Variants in MFNG observed in about 807,000 individuals in gnomAD.
The protein encoded by MFNG is MFNG O-fucosylpeptide 3-beta-N-acetylglucosaminyltransferase.
Under a neutral mutation model 34.2 loss-of-function variants are expected in MFNG, and 24 were observed. That is an observed-to-expected ratio of 0.70 (90% CI 0.51 to 0.99). MFNG has a LOEUF of 0.99. MFNG is among the 50% of genes least tolerant of loss of function. The pLI, the probability that MFNG is intolerant of heterozygous loss-of-function variation, is 0.00. For synonymous variants in MFNG, 158 were observed against 179.2 expected (o/e 0.88, Z 0.94); for missense variants, 383 against 424.0 (o/e 0.90, Z 0.85).
rs768635690 is a variant in MFNG, at chr22:37,485,988, G to C, written c.190C>G (p.Arg64Gly). Reference protein sequence around the residue: ...HDVFIAVKTTRAFHRLRLELL... With the variant: ...HDVFIAVKTTGAFHRLRLELL... The stretch of plus-strand genomic sequence containing the variant: ...TCCAGGCGCAAGCGGTGGAAAGCCC[G>C]GGTCGTCTTCACTGCAATGAAGACA... The change falls in exon 1 of 8, where the codon CGG becomes GGG. Residue 64 changes from arginine (R) to glycine (G), a missense_variant. Arg to Gly is a moderately radical substitution (Grantham distance 125). Transcript: ENST00000356998. This position sits in a 1 kb window ranked among gnomAD's most constrained non-coding sequence, Gnocchi z 5.3. 8 of 1,614,004 alleles carry C rather than the reference G, an allele frequency of 5.0e-6. No homozygotes were observed. Among genetic ancestry groups the C allele is most frequent in the Non-Finnish European group, 6.8e-6 (8 of 1,179,932 alleles).
intron 1 of MFNG, 89 bp from the exon 2 acceptor site, chr22:37,480,858 G>A: frequency 2.6e-6 from 3 of 1,171,018 alleles, no homozygotes; most frequent in Non-Finnish European, 3.8e-6. Flanking sequence ...GGCCCCAGAT[G>A]GACTCTGTAC....
intron 1 of MFNG, chr22:37,481,027 G>A: frequency 2.0e-6 from 1 of 509,602 alleles, no homozygotes; most frequent in East Asian, 3.3e-5. Flanking sequence ...GCACCACAGG[G>A]ACCCAACCAC....
rs781326615 is a variant in MFNG at position 37,474,671 on chromosome 22, G to A, written c.654C>T (p.Ser218=). The change falls in exon 6 of 8, where the codon TCC becomes TCT. Residue 218 remains serine, a synonymous_variant. Coordinates refer to ENST00000356998, the MANE Select transcript of MFNG (RefSeq NM_002405.4). ...ALKMAPWASG[S]RFMDTSALIR... ...TGAGAGCAGATGTGTCCATGAAACG[G>A]GAGCCACTGAGGGACAGAGCCAGAC... 1.1e-5 allele frequency: 18 copies of A among 1,600,372 alleles called. No homozygotes were observed. The East Asian group carries it at 3.6e-4, about 32-fold the overall frequency.
chr22:37,478,292 T>C (rs1269763326), intron 4 of MFNG, among the ~76,000 whole-genome samples: 1 of 152,146 alleles, frequency 6.6e-6, no homozygotes, highest in African/African-American at 2.4e-5. Context: ...CCGATCTGCC[T>C]TCTTCCTGGA....
In MFNG at chr22:37,469,913, C is replaced by T. The variant is rs936224007; in HGVS notation, c.*50G>A. 9 of 1,468,904 alleles carry T rather than the reference C, an allele frequency of 6.1e-6. No individual in the cohort carries two copies. Among genetic ancestry groups the T allele is most frequent in the Non-Finnish European group, 8.4e-6 (9 of 1,065,886 alleles). The allele number at this position is 1,468,904 out of a possible 1,614,324, so 91.0% of individuals were successfully genotyped here. On this transcript the variant is annotated 3_prime_UTR_variant, in exon 8 of 8. Coordinates refer to ENST00000356998, the MANE Select transcript of MFNG (RefSeq NM_002405.4). ...GGACCCACAGTGCCACCTTGGGAGCCAAGGCACACCCAGAAGTCTCTGCCC... is the reference window on the plus strand; with the variant it reads ...GGACCCACAGTGCCACCTTGGGAGCTAAGGCACACCCAGAAGTCTCTGCCC...
At chr22:37,472,786 C>A (rs550561154) in intron 6 of MFNG, 3 of 371,996 alleles carry the variant, frequency 8.1e-6, no homozygotes, top group Non-Finnish European at 1.4e-5. Flanking sequence ...CCCCCATCTA[C>A]AGATTTGGAA....
chr22:37,477,495 C>T (rs897381153), intron 4 of MFNG, among the ~76,000 whole-genome samples: 1 of 152,046 alleles, frequency 6.6e-6, no homozygotes, highest in Non-Finnish European at 1.5e-5. Context: ...TGCCCAGGCT[C>T]AAGTGCAGTG....
chr22:37,480,954 C>T (rs1601799091), intron 1 of MFNG, 185 bp from the exon 2 acceptor site: 2 of 618,032 alleles, frequency 3.2e-6, no homozygotes, highest in Admixed American at 5.3e-5. Context: ...TTTGTAGACA[C>T]ACAACTTCAG....
intron 7 of MFNG, among the ~76,000 whole-genome samples, chr22:37,470,236 A>G (rs925935863): frequency 6.6e-6 from 1 of 152,194 alleles, no homozygotes; most frequent in African/African-American, 2.4e-5. Context: ...CTCTACCCAC[A>G]AGATTCCAGT....
At chr22:37,471,243 G>A (rs1164181301) in intron 7 of MFNG, among the ~76,000 whole-genome samples, 1 of 152,184 alleles carries the variant, frequency 6.6e-6, no homozygotes, top group Non-Finnish European at 1.5e-5. Context: ...TCCAAAGGCA[G>A]AATCAGGGCT....
At chr22:37,481,288 A>G (rs1462942957) in intron 1 of MFNG, 1 of 155,018 alleles carries the variant, frequency 6.5e-6, no homozygotes, top group African/African-American at 2.4e-5. Flanking sequence ...GCTGCCTCAC[A>G]ACCCAGTCCG....
intron 4 of MFNG, 52 bp downstream of exon 4, chr22:37,479,293 C>T (rs570941406): frequency 6.6e-6 from 10 of 1,505,424 alleles, no homozygotes; most frequent in South Asian, 4.0e-5. Flanking sequence ...AGGACCGGCC[C>T]GGCCCTTGGG....
chr22:37,480,739 C>A lies in MFNG; in HGVS notation c.286G>T (p.Gly96Cys). 1 of 1,613,722 alleles carries A rather than the reference C, an allele frequency of 6.2e-7. No individual in the cohort carries two copies. The highest frequency in any genetic ancestry group is 8.5e-7 in the Non-Finnish European group (1 of 1,179,872). Reference protein sequence around the residue: ...TFVFTDSPDKGLQERLGSHLV... With the variant: ...TFVFTDSPDKCLQERLGSHLV... ...GAGTTACCCAGTCTCTCCTGGAGGC[C>A]TTTGTCTGGGCTGTCGGTGAAGACA... Residue 96 changes from glycine (G) to cysteine (C), a missense_variant, in exon 2 of 8, where the codon GGC (glycine) becomes TGC (cysteine). Physicochemically the swap from Gly to Cys is radical, Grantham distance 159. Coordinates refer to ENST00000356998, the MANE Select transcript of MFNG (RefSeq NM_002405.4).
intron 7 of MFNG, among the ~76,000 whole-genome samples, chr22:37,471,219 G>A (rs1276985472): frequency 6.6e-6 from 1 of 152,108 alleles, no homozygotes; most frequent in Non-Finnish European, 1.5e-5. Flanking sequence ...ACCTCCCTGA[G>A]TCCCTGCTAA....
chr22:37,478,054 T>A (rs1469526930), intron 4 of MFNG, among the ~76,000 whole-genome samples: 1 of 152,210 alleles, frequency 6.6e-6, no homozygotes, highest in Non-Finnish European at 1.5e-5. Context: ...TGAAGTGGTG[T>A]GAGAGCCTGG....
Position 37,482,088 on chromosome 22 carries a change from C to T in MFNG, c.256-1319G>A, listed in dbSNP as rs111245890. Among the ~76,000 whole-genome samples, 20 of 152,284 alleles carry T rather than the reference C, an allele frequency of 1.3e-4. No individual in the cohort carries two copies. Among genetic ancestry groups the T allele is most frequent in the African/African-American group, 3.4e-4 (14 of 41,558 alleles). Reference sequence around the variant, plus strand: ...ACTGAGGCATAGGAGGCCAGGAGGCCGGGAGCCAGGTTTGACACAGGAAGG... The same window carrying T: ...ACTGAGGCATAGGAGGCCAGGAGGCTGGGAGCCAGGTTTGACACAGGAAGG... On this transcript the variant is annotated intron_variant, in intron 1 of 7. Transcript: ENST00000356998. The surrounding 1 kb of genome is among the most constrained non-coding windows in gnomAD (Gnocchi z 4.1).
chr22:37,471,798 T>TCCAC (rs989193415), intron 7 of MFNG, among the ~76,000 whole-genome samples: 3 of 119,250 alleles, frequency 2.5e-5, no homozygotes, highest in Admixed American at 1.2e-4. Flanking sequence ...ACCACTGCAC[T>TCCAC]CCAGCCTGGG....
chr22:37,478,480 T>C (rs2145732949), intron 4 of MFNG, among the ~76,000 whole-genome samples: 1 of 152,344 alleles, frequency 6.6e-6, no homozygotes, highest in East Asian at 1.9e-4. Flanking sequence ...TTAATGAATC[T>C]GGCAACCCAA....
At position 37,474,507 on chromosome 22, in the gene MFNG, C is replaced by T. The variant is rs1445694065; in HGVS notation, c.813+5G>A. 3.1e-6 allele frequency: 5 copies of T among 1,613,650 alleles called. No individual in the cohort carries two copies. Among genetic ancestry groups the T allele is most frequent in the Admixed American group, 1.7e-5 (1 of 60,002 alleles). ...ATTTGCCACCTGCCCCCAAGGCCAGCTCACCTGTTCTGGGAGCTGTGCAGT... is the reference window on the plus strand; with the variant it reads ...ATTTGCCACCTGCCCCCAAGGCCAGTTCACCTGTTCTGGGAGCTGTGCAGT... On this transcript the variant is annotated splice_donor_5th_base_variant and intron_variant, in intron 6 of 7. Transcript: ENST00000356998.
Sources: allele counts gnomAD v4.1 joint callset (sites outside exome capture counted in the v4.1 genomes callset), GRCh38; gene constraint gnomAD v4.1.1; non-coding constraint Gnocchi (gnomAD v3.1); transcripts MANE v1.5; gene names NCBI Gene and HGNC (gene_info 2026-07-23, HGNC 2026-07-21).